The following NBAS variants were observed in gnomAD, a reference collection of about 807,000 sequenced individuals.
NBAS encodes the protein NBAS subunit of NRZ tethering complex, also known as NAG/BC035112 fusion.
Under a neutral mutation model 302.5 loss-of-function variants are expected in NBAS, and 219 were observed. The observed-to-expected ratio is 0.72, with a 90% CI of 0.65 to 0.81. The LOEUF (loss-of-function observed/expected upper bound fraction) is 0.81. Ranked by LOEUF, NBAS falls within the 30% of genes least tolerant of loss-of-function variation. The probability of loss-of-function intolerance (pLI) is 0.00; values close to 1 mark genes in which losing one functional copy is unlikely to be tolerated. For synonymous variants in NBAS, 1,118 were observed against 1,021.6 expected, an observed-to-expected ratio of 1.09 and a Z score of -1.80; for missense variants, 2,932 against 2,841.6, an observed-to-expected ratio of 1.03 and a Z score of -0.72.
intron 42 of NBAS, among the ~76,000 whole-genome samples, chr2:15,282,602 C>T (rs1229572526): frequency 6.6e-6 from 1 of 152,142 alleles, no homozygotes; most frequent in East Asian, 1.9e-4. Context: ...AACTCACCAA[C>T]ATTGAAGAAG....
intron 38 of NBAS, among the ~76,000 whole-genome samples, chr2:15,314,836 C>T (rs1234616155): frequency 1.3e-5 from 2 of 152,158 alleles, no homozygotes; most frequent in African/African-American, 4.8e-5. Context: ...TGAAATACTA[C>T]TCAATAATTT....
chr2:15,371,450 GC>G (rs1421714264), intron 31 of NBAS, among the ~76,000 whole-genome samples: 1 of 152,092 alleles, frequency 6.6e-6, no homozygotes, highest in East Asian at 1.9e-4. Context: ...ATTACCTACC[GC>G]CATATTCACA....
At chr2:14,786,985 G>C in the NBAS span, among the ~76,000 whole-genome samples, 1 of 152,156 alleles carries the variant, frequency 6.6e-6, no homozygotes, top group Admixed American at 6.5e-5. Context: ...CTCAGGACTT[G>C]CTTTATGAAT....
chr2:15,356,999 T>C (rs1299272388), intron 32 of NBAS, among the ~76,000 whole-genome samples: 2 of 152,198 alleles, frequency 1.3e-5, no homozygotes, highest in Non-Finnish European at 2.9e-5. Flanking sequence ...CTGCTATCAG[T>C]TGTAGCCAGA....
the NBAS span, among the ~76,000 whole-genome samples, chr2:15,161,013 C>A: frequency 6.6e-6 from 1 of 152,130 alleles, no homozygotes; most frequent in Non-Finnish European, 1.5e-5. Context: ...TGTGGTCAAT[C>A]CTTTATCCAA....
the NBAS span, among the ~76,000 whole-genome samples, chr2:15,058,792 G>A: frequency 2.0e-5 from 3 of 152,136 alleles, no homozygotes; most frequent in African/African-American, 2.4e-5. Flanking sequence ...GTAATGTGGC[G>A]AATGTCCTCA....
At chr2:15,259,454 A>C (rs1374802620) in intron 44 of NBAS, among the ~76,000 whole-genome samples, 1 of 152,242 alleles carries the variant, frequency 6.6e-6, no homozygotes, top group Non-Finnish European at 1.5e-5. Context: ...TGTTTGTTCT[A>C]GCCAACACCT....
At chr2:15,352,103 T>C (rs1333888875) in intron 34 of NBAS, 22 bp from the exon 35 acceptor site, 3 of 1,532,750 alleles carry the variant, frequency 2.0e-6, no homozygotes, top group Non-Finnish European at 2.7e-6. Context: ...ATAGGCTATA[T>C]TGTAAAGGAG....
intron 28 of NBAS, chr2:15,393,649 A>G (rs1675720593): frequency 2.8e-6 from 1 of 360,382 alleles, no homozygotes; most frequent in Non-Finnish European, 5.8e-6. Flanking sequence ...TTGCATATGA[A>G]AAGTCGTAGC....
chr2:15,309,644 T>C (rs1051479393), intron 38 of NBAS, among the ~76,000 whole-genome samples: 7 of 152,146 alleles, frequency 4.6e-5, no homozygotes, highest in Non-Finnish European at 7.3e-5. Context: ...AGCAATAAAA[T>C]AGCTTTAGGA....
chr2:15,310,965 A>G (rs1344934692), intron 38 of NBAS, among the ~76,000 whole-genome samples: 2 of 152,238 alleles, frequency 1.3e-5, no homozygotes. Flanking sequence ...ACAAAATCCA[A>G]CAGAATGATA....
chr2:15,004,434 A>G, the NBAS span, among the ~76,000 whole-genome samples: 3 of 152,192 alleles, frequency 2.0e-5, no homozygotes, highest in Non-Finnish European at 2.9e-5. Flanking sequence ...TGTACACAAG[A>G]ATCCTTGATA....
intron 9 of NBAS, among the ~76,000 whole-genome samples, chr2:15,528,311 G>T (rs915996612): frequency 6.6e-6 from 1 of 150,718 alleles, no homozygotes; most frequent in Non-Finnish European, 1.5e-5. Flanking sequence ...ATCCCTTTAA[G>T]GCGCTTATTT....
chr2:14,872,365 T>C, the NBAS span, among the ~76,000 whole-genome samples: 1 of 152,178 alleles, frequency 6.6e-6, no homozygotes, highest in Non-Finnish European at 1.5e-5. Flanking sequence ...TAGATCTAAT[T>C]GATATTTATT....
At chr2:15,096,803 C>A in the NBAS span, among the ~76,000 whole-genome samples, 1 of 152,092 alleles carries the variant, frequency 6.6e-6, no homozygotes, top group African/African-American at 2.4e-5. Flanking sequence ...AGTCACTTCA[C>A]CCACAAAAAA....
At chr2:15,281,181 C>T (rs1405918685) in intron 42 of NBAS, among the ~76,000 whole-genome samples, 1 of 152,074 alleles carries the variant, frequency 6.6e-6, no homozygotes, top group Non-Finnish European at 1.5e-5. Context: ...ATGTTGAAGG[C>T]CATATGAATA....
chr2:15,542,436 C>G (rs1478962807), intron 6 of NBAS, among the ~76,000 whole-genome samples: 3 of 127,696 alleles, frequency 2.3e-5, no homozygotes, highest in East Asian at 2.0e-4. Flanking sequence ...GCAGCATGCT[C>G]GTTAAGAGTC....
chr2:14,807,870 T>C, the NBAS span, among the ~76,000 whole-genome samples: 1 of 152,150 alleles, frequency 6.6e-6, no homozygotes, highest in African/African-American at 2.4e-5. Flanking sequence ...GGGCACACAG[T>C]AGATGTTGCA....
intron 16 of NBAS, among the ~76,000 whole-genome samples, chr2:15,469,841 G>A (rs1317392163): frequency 8.5e-5 from 11 of 129,716 alleles, no homozygotes; most frequent in African/African-American, 2.3e-4. Context: ...CTGCTGGGGG[G>A]TGGGGGGAGG....
Sources: allele counts gnomAD v4.1 joint callset (sites outside exome capture counted in the v4.1 genomes callset), GRCh38; gene constraint gnomAD v4.1.1; transcripts MANE v1.5; gene names NCBI Gene and HGNC (gene_info 2026-07-23, HGNC 2026-07-21).